NUP214: variants seen among roughly 807,000 people sequenced by gnomAD.
The protein encoded by NUP214 is nuclear pore complex protein Nup214.
In NUP214, 79 loss-of-function variants were observed where a neutral mutation model predicts 196.2. That is an observed-to-expected ratio of 0.40 (90% CI 0.34 to 0.49). The LOEUF (loss-of-function observed/expected upper bound fraction) is 0.49. NUP214 is among the 20% of genes least tolerant of loss of function. The pLI is 0.58. For synonymous variants in NUP214, 1,020 were observed against 990.5 expected, an observed-to-expected ratio of 1.03 and a Z score of -0.56; for missense variants, 2,468 against 2,539.0, an observed-to-expected ratio of 0.97 and a Z score of 0.60.
At chr9:131,223,162 AT>A (rs200115812) in intron 32 of NUP214, among the ~76,000 whole-genome samples, 9 of 148,838 alleles carry the variant, frequency 6.0e-5, no homozygotes, top group Non-Finnish European at 7.4e-5. Flanking sequence ...GTAATGCAAC[AT>A]TTTTTTTTCT....
Position 131,146,713 on chromosome 9 carries a change from G to A in NUP214, c.1945+409G>A, listed in dbSNP as rs188318304. Reference sequence around the variant, plus strand: ...GGGAGGCCAAGGCAGGTGGATCACCGGAGGTTAGGAGTTCGAGACCAGCCT... The same window carrying A: ...GGGAGGCCAAGGCAGGTGGATCACCAGAGGTTAGGAGTTCGAGACCAGCCT... On this transcript the variant is annotated intron_variant, in intron 13 of 35. Coordinates refer to ENST00000359428, the MANE Select transcript of NUP214 (RefSeq NM_005085.4). The surrounding 1 kb of genome is among the most constrained non-coding windows in gnomAD (Gnocchi z 4.6). 1.3e-5 allele frequency among the ~76,000 whole-genome samples: 2 copies of A among 152,194 alleles called. No individual in the cohort carries two copies. Among genetic ancestry groups the A allele is most frequent in the East Asian group, 1.9e-4 (1 of 5,152 alleles).
chr9:131,171,977 A>C (rs1000892557), intron 21 of NUP214, among the ~76,000 whole-genome samples: 3 of 152,048 alleles, frequency 2.0e-5, no homozygotes, highest in Non-Finnish European at 2.9e-5. Context: ...GGTTGGTTCC[A>C]AGTCTTTGCT....
At chr9:131,139,252 CTTCTTTT>C in intron 9 of NUP214, 22 bp from the exon 10 acceptor site, 2 of 1,235,916 alleles carry the variant, frequency 1.6e-6, no homozygotes, top group African/African-American at 3.5e-5. Flanking sequence ...TCTTCTTCTT[CTTCTTTT>C]TTTTTTTTTT....
chr9:131,134,810 T>C, intron 7 of NUP214, 88 bp from the exon 8 acceptor site: 2 of 811,092 alleles, frequency 2.5e-6, no homozygotes, highest in East Asian at 2.6e-5. Context: ...CATATAACTT[T>C]AAATGATTTA....
intron 30 of NUP214, among the ~76,000 whole-genome samples, chr9:131,210,602 G>A (rs1028668701): frequency 2.6e-5 from 4 of 151,928 alleles, no homozygotes; most frequent in African/African-American, 9.7e-5. Flanking sequence ...ACTCCAGCCT[G>A]GGAAACAGAG....
At chr9:131,141,478 CT>C (rs3057295) in intron 11 of NUP214, among the ~76,000 whole-genome samples, 2,387 of 118,652 alleles carry the variant, frequency 0.02, 10 homozygotes, top group Middle Eastern at 0.039. Flanking sequence ...TGAAAAGAAA[CT>C]TTTTTTTTTT....
chr9:131,231,912 CAAAAAAAAA>C (rs900440054), intron 34 of NUP214, among the ~76,000 whole-genome samples: 5 of 43,976 alleles, frequency 1.1e-4, no homozygotes, highest in South Asian at 8.3e-4. Context: ...ACAACAACAG[CAAAAAAAAA>C]AAAAAAAAAA....
chr9:131,150,721 G>C lies in NUP214; in HGVS notation c.2233G>C (p.Asp745His). The C allele has an allele frequency of 6.2e-7, 1 of 1,614,152 alleles. No homozygotes were observed. Among genetic ancestry groups the C allele is most frequent in the Non-Finnish European group, 8.5e-7 (1 of 1,180,008 alleles). Residue 745 changes from aspartate (D) to histidine (H), a missense_variant, in exon 16 of 36, where the codon GAT becomes CAT. Around this residue, in one of 5 missense-constraint regions of NUP214, gnomAD observed 1,801 missense variants for 1,779.4 expected, o/e 1.01. Coordinates refer to ENST00000359428, the MANE Select transcript of NUP214 (RefSeq NM_005085.4). ...EEMKMLRTES[D>H]DLHTFLLEIK... ...GATGAAGATGCTGCGAACAGAATCA[G>C]ATGACTTGCATACCTTTCTTTTGGA...
rs1157886190 is a variant in NUP214, at chr9:131,192,049, G to A, written c.3575-159G>A. On this transcript the variant is annotated intron_variant, in intron 26 of 35. Coordinates refer to ENST00000359428, the MANE Select transcript of NUP214 (RefSeq NM_005085.4). The stretch of plus-strand genomic sequence containing the variant: ...ACCTCAAACACAAGTGAGGCAACGT[G>A]CTCACTCCCCATGGCCACTGACGTG... 6.5e-5 allele frequency: 32 copies of A among 489,278 alleles called. No individual in the cohort carries two copies. In the East Asian group the frequency reaches 9.8e-4, roughly 15 times the overall value. 30.3% of individuals were successfully genotyped at this position (489,278 alleles called of 1,614,324 possible).
chr9:131,163,260 G>A, intron 19 of NUP214, 87 bp downstream of exon 19: 3 of 1,317,932 alleles, frequency 2.3e-6, no homozygotes, highest in Non-Finnish European at 3.1e-6. Flanking sequence ...ATATGGGTTT[G>A]CAAGTGACTC....
intron 26 of NUP214, chr9:131,190,131 G>A: frequency 3.6e-6 from 1 of 275,070 alleles, no homozygotes. Flanking sequence ...GGAGTGATAT[G>A]GAACCACAGT....
intron 19 of NUP214, 28 bp from the exon 20 acceptor site, chr9:131,163,842 G>T: frequency 6.3e-7 from 1 of 1,586,252 alleles, no homozygotes; most frequent in Admixed American, 1.7e-5. Context: ...CTCCTAGTTG[G>T]TCTGTATCTA....
intron 17 of NUP214, 179 bp from the exon 18 acceptor site, chr9:131,159,204 A>G (rs2133543662): frequency 1.7e-6 from 1 of 594,610 alleles, no homozygotes; most frequent in Non-Finnish European, 2.9e-6. Context: ...CTGAGCCACT[A>G]CACCCGGCCT....
Position 131,150,307 on chromosome 9 carries a change from T to G in NUP214, c.2041-17T>G. 6.2e-7 allele frequency: 1 copy of G among 1,612,192 alleles called. No homozygotes were observed. Among genetic ancestry groups the G allele is most frequent in the Non-Finnish European group, 8.5e-7 (1 of 1,178,362 alleles). ...AGCTATGACTTGCAGTTTTTAAACCTTTTCCTTCCATTTCAGGCAAAGTCA... is the reference window on the plus strand; with the variant it reads ...AGCTATGACTTGCAGTTTTTAAACCGTTTCCTTCCATTTCAGGCAAAGTCA... On this transcript the variant is annotated splice_polypyrimidine_tract_variant and intron_variant, in intron 14 of 35. Transcript: ENST00000359428.
intron 6 of NUP214, 110 bp downstream of exon 6, chr9:131,132,769 A>G: frequency 3.2e-6 from 3 of 928,602 alleles, no homozygotes; most frequent in South Asian, 1.5e-5. Context: ...TGTTTGCTTT[A>G]TGAATAATGT....
Position 131,129,392 on chromosome 9 carries a change from G to A in NUP214, c.507G>A (p.Leu169=). ...TCCCCTCCATGGTGGCAGTTTGTCT[G>A]GCTGATGGTAGTATTGCTGTCCTGC... The part of the protein sequence containing the change: ...PTVPSMVAVC[L]ADGSIAVLQV... The change falls in exon 4 of 36, where the codon CTG becomes CTA. Residue 169 remains leucine, a synonymous_variant. Coordinates refer to ENST00000359428, the MANE Select transcript of NUP214 (RefSeq NM_005085.4). 6.2e-7 allele frequency: 1 copy of A among 1,614,220 alleles called. No homozygotes were observed. The highest frequency in any genetic ancestry group is 8.5e-7 in the Non-Finnish European group (1 of 1,180,032).
rs554905331 is a variant in NUP214 at position 131,154,091 on chromosome 9, G to C, written c.2436+2197G>C. Among the ~76,000 whole-genome samples the C allele has an allele frequency of 4.4e-4, 67 of 152,346 alleles. 1 individual carries two copies. Among genetic ancestry groups the C allele is most frequent in the African/African-American group, 1.6e-3 (65 of 41,582 alleles). On this transcript the variant is annotated intron_variant, in intron 17 of 35. Transcript: ENST00000359428. ...GTATCTGAAGTGATCAAAGGAAAGA[G>C]CCTCGGTGAGTTGAAAGTTACATTT... is the stretch of plus-strand genomic sequence containing the variant.
At position 131,125,709 on chromosome 9, in the gene NUP214, G is replaced by T. The variant is rs1204254800; in HGVS notation, c.5G>T (p.Gly2Val). M[G>V]DEMDAMIPER... ...CGACACACTGAGGGCGGCGCGATGGGAGACGAGATGGATGCCATGATTCCC... is the reference window on the plus strand; with the variant it reads ...CGACACACTGAGGGCGGCGCGATGGTAGACGAGATGGATGCCATGATTCCC... The change falls in exon 1 of 36, where the codon GGA (glycine) becomes GTA (valine). Residue 2 changes from glycine to valine, a missense_variant. By Grantham distance (109) the Gly-to-Val change is moderately radical (BLOSUM62 -3). Transcript: ENST00000359428. This position sits in a 1 kb window ranked among gnomAD's most constrained non-coding sequence, Gnocchi z 4.1. 1 of 1,551,998 alleles carries T rather than the reference G, an allele frequency of 6.4e-7. No individual in the cohort carries two copies. The highest frequency in any genetic ancestry group is 1.2e-5 in the South Asian group (1 of 84,110).
chr9:131,171,209 A>T (rs1832947052), intron 21 of NUP214, among the ~76,000 whole-genome samples: 1 of 152,188 alleles, frequency 6.6e-6, no homozygotes, highest in African/African-American at 2.4e-5. Flanking sequence ...TGCCCATTGC[A>T]TCTTTCAGTT....
Sources: gnomAD v4.1 joint callset for allele counts (sites outside exome capture counted in the v4.1 genomes callset) on GRCh38, gnomAD v4.1.1 for gene constraint, gnomAD v4.1.1 regional missense constraint, Gnocchi (gnomAD v3.1) non-coding constraint, MANE v1.5 for transcripts, NCBI Gene and HGNC (gene_info 2026-07-23, HGNC 2026-07-21) for gene names.